Variants in TENM4 observed in about 807,000 individuals in gnomAD.
The protein encoded by TENM4 is teneurin transmembrane protein 4, also known as teneurin-4.
Under a neutral mutation model 243.3 loss-of-function variants are expected in TENM4, and 82 were observed. The ratio of observed to expected loss-of-function variants is 0.34; its 90% CI spans 0.28 to 0.40. TENM4 has a LOEUF of 0.40. TENM4 is among the 10% of genes least tolerant of loss of function. TENM4 has a pLI of 1.00. For synonymous variants in TENM4, 1,412 were observed against 1,456.3 expected, an observed-to-expected ratio of 0.97 and a Z score of 0.69; for missense variants, 3,138 against 3,673.3, an observed-to-expected ratio of 0.85 and a Z score of 3.77.
rs148275562 is a variant in TENM4 at position 79,354,870 on chromosome 11, T to G, written c.-320-57327A>C. ...TATCCTAAAGATAAGCTGGCATGAA[T>G]AAAATAATATTCTATGTGTGCAGTG... On this transcript the variant is annotated intron_variant, in intron 1 of 33. Transcript: ENST00000278550. 3.4e-3 allele frequency among the ~76,000 whole-genome samples: 516 copies of G among 152,344 alleles called. 2 individuals are homozygous for G. The highest frequency in any genetic ancestry group is 0.012 in the African/African-American group (496 of 41,586).
chr11:78,771,229 C>T, intron 17 of TENM4, 91 bp from the exon 18 acceptor site: 1 of 1,475,058 alleles, frequency 6.8e-7, no homozygotes, highest in Non-Finnish European at 9.2e-7. Flanking sequence ...TTGCAAAATG[C>T]CTTCATATCC....
At chr11:79,150,619 T>G (rs775354094) in intron 3 of TENM4, among the ~76,000 whole-genome samples, 2 of 152,110 alleles carry the variant, frequency 1.3e-5, no homozygotes, top group Non-Finnish European at 2.9e-5. Flanking sequence ...CACTGCATAT[T>G]CCAGACACTT....
At position 79,373,997 on chromosome 11, in the gene TENM4, A is replaced by C. The variant is rs140441464; in HGVS notation, c.-321+66512T>G. 2.1e-3 allele frequency among the ~76,000 whole-genome samples: 327 copies of C among 152,246 alleles called. 2 individuals are homozygous for C. The highest frequency in any genetic ancestry group is 7.3e-3 in the African/African-American group (303 of 41,564). ...AGGCTGGGGCAGGAAAGCAGGTAGG[A>C]GAGGGGGGCATGCAGGCAAGCCTGG... is the stretch of plus-strand genomic sequence containing the variant. On this transcript the variant is annotated intron_variant, in intron 1 of 33. Transcript: ENST00000278550.
rs530548332 is a variant in TENM4 at position 79,380,846 on chromosome 11, A to T, written c.-321+59663T>A. Among the ~76,000 whole-genome samples the T allele has an allele frequency of 7.2e-5, 11 of 152,330 alleles. No homozygotes were observed. In the East Asian group the frequency reaches 2.1e-3, roughly 29 times the overall value. Reference sequence around the variant, plus strand: ...CCTGGATGTGCAGACTGGAAAACCAAGCCAGAAGCTTTGTAAGGAAGATCG... The same window carrying T: ...CCTGGATGTGCAGACTGGAAAACCATGCCAGAAGCTTTGTAAGGAAGATCG... On this transcript the variant is annotated intron_variant, in intron 1 of 33. Coordinates refer to ENST00000278550, the MANE Select transcript of TENM4 (RefSeq NM_001098816.3).
chr11:79,213,135 G>C (rs924823730), intron 3 of TENM4, among the ~76,000 whole-genome samples: 1 of 152,194 alleles, frequency 6.6e-6, no homozygotes, highest in African/African-American at 2.4e-5. Flanking sequence ...TGCATGAAAA[G>C]TGAGCTAGTG....
chr11:79,360,513 G>T (rs1319913477), intron 1 of TENM4, among the ~76,000 whole-genome samples: 1 of 152,136 alleles, frequency 6.6e-6, no homozygotes, highest in Admixed American at 6.6e-5. Context: ...CACGCAAGAT[G>T]GTGCTGCACC....
rs182612367 is a variant in TENM4, at chr11:79,300,015, T to A, written c.-320-2472A>T. On this transcript the variant is annotated intron_variant, in intron 1 of 33. Transcript: ENST00000278550. The stretch of plus-strand genomic sequence containing the variant: ...TGGACCCCTGACTATTCATTCTCTG[T>A]CCAATGACACCTCTTCCAGGAAGGC... Among the ~76,000 whole-genome samples the A allele has an allele frequency of 1.4e-3, 208 of 152,294 alleles. 2 individuals are homozygous for A. Among genetic ancestry groups the A allele is most frequent in the Non-Finnish European group, 1.9e-3 (128 of 68,026 alleles).
chr11:78,874,825 C>G (rs1290485350), intron 9 of TENM4, among the ~76,000 whole-genome samples: 1 of 152,184 alleles, frequency 6.6e-6, no homozygotes, highest in Non-Finnish European at 1.5e-5. Flanking sequence ...GGAGGCCACA[C>G]TACAATTAAT....
chr11:78,988,903 C>T (rs942456448), intron 6 of TENM4, among the ~76,000 whole-genome samples: 30 of 152,310 alleles, frequency 2.0e-4, no homozygotes, highest in African/African-American at 7.2e-4. Flanking sequence ...TCTCACACTC[C>T]TGAGCTCAAG....
chr11:79,262,962 C>A (rs1436161070), intron 2 of TENM4, among the ~76,000 whole-genome samples: 2 of 152,254 alleles, frequency 1.3e-5, no homozygotes, highest in Non-Finnish European at 2.9e-5. Context: ...TTCCCTAACA[C>A]CTTTGCTGAA....
In TENM4 at chr11:78,658,157, G is replaced by T; in HGVS notation, c.8211C>A (p.Tyr2737Ter). 6.2e-7 allele frequency: 1 copy of T among 1,614,004 alleles called. No homozygotes were observed. The highest frequency in any genetic ancestry group is 8.5e-7 in the Non-Finnish European group (1 of 1,179,902). The change falls in exon 34 of 34, where the codon TAC (tyrosine) becomes TAA (stop). Residue 2737 changes from tyrosine to a stop codon, truncating the protein, a stop_gained. Coordinates refer to ENST00000278550, the MANE Select transcript of TENM4 (RefSeq NM_001098816.3). LOFTEE classifies it high-confidence loss of function. ...CGACAGAGATCACGAAAAAGCCGTC[G>T]TAGCCTTGCACCCGCCCTGTGCTCA... ...QVLSTGRVQG[Y>*]DGFFVISVEQ...
intron 6 of TENM4, among the ~76,000 whole-genome samples, chr11:78,951,750 A>G (rs953095033): frequency 6.6e-6 from 1 of 152,050 alleles, no homozygotes; most frequent in South Asian, 2.1e-4. Flanking sequence ...TTTAATCTTA[A>G]TCACCTCCTT....
intron 26 of TENM4, among the ~76,000 whole-genome samples, chr11:78,711,015 A>G (rs1269540473): frequency 1.3e-5 from 2 of 152,190 alleles, no homozygotes; most frequent in African/African-American, 4.8e-5. Flanking sequence ...TAATTGACCA[A>G]TGGGGAAACT....
chr11:79,436,737 C>T (rs1430446912), intron 1 of TENM4, among the ~76,000 whole-genome samples: 1 of 152,140 alleles, frequency 6.6e-6, no homozygotes, highest in African/African-American at 2.4e-5. Context: ...ATCCGCTTAC[C>T]GCACCACTCT....
chr11:79,337,303 A>G (rs990544930), intron 1 of TENM4, among the ~76,000 whole-genome samples: 2 of 152,192 alleles, frequency 1.3e-5, no homozygotes, highest in Admixed American at 6.5e-5. Flanking sequence ...CTGCATAACA[A>G]CATTTTCTTG....
chr11:78,951,433 G>T (rs931735749), intron 6 of TENM4, among the ~76,000 whole-genome samples: 6 of 152,240 alleles, frequency 3.9e-5, no homozygotes, highest in African/African-American at 1.4e-4. Flanking sequence ...GACATGCAAA[G>T]TCTGTATGTC....
intron 3 of TENM4, chr11:79,193,095 C>G (rs1286635424): frequency 6.6e-6 from 1 of 152,304 alleles, no homozygotes; most frequent in Non-Finnish European, 1.5e-5. Flanking sequence ...AGCTTTCCCA[C>G]CAGCACCAAC....
At chr11:78,717,622 T>C (rs373469366) in intron 25 of TENM4, among the ~76,000 whole-genome samples, 2 of 152,236 alleles carry the variant, frequency 1.3e-5, no homozygotes, top group African/African-American at 4.8e-5. Context: ...CTGAGCATAG[T>C]GCCTGTTCCA....
intron 4 of TENM4, among the ~76,000 whole-genome samples, chr11:79,125,509 G>A (rs960106465): frequency 1.4e-4 from 21 of 152,088 alleles, no homozygotes; most frequent in Admixed American, 3.9e-4. Flanking sequence ...AGGTGTCTAC[G>A]GTTAAAGTGA....
Sources: gnomAD v4.1 joint callset for allele counts (sites outside exome capture counted in the v4.1 genomes callset) on GRCh38, gnomAD v4.1.1 for gene constraint, MANE v1.5 for transcripts, NCBI Gene and HGNC (gene_info 2026-07-23, HGNC 2026-07-21) for gene names.